PLEKHA7: variants seen among roughly 807,000 people sequenced by gnomAD.
PLEKHA7 encodes pleckstrin homology domain-containing family A member 7.
A neutral mutation model predicts 170.0 loss-of-function variants in PLEKHA7; 104 were observed. The observed-to-expected ratio is 0.61, with a 90% CI of 0.52 to 0.72. The LOEUF (loss-of-function observed/expected upper bound fraction) is 0.72, where lower values mean the gene tolerates loss of function less well. Among genes scored for constraint, PLEKHA7 ranks in the 30% least tolerant of loss-of-function variants. The pLI is 0.00. For synonymous variants in PLEKHA7, 648 were observed against 660.8 expected (o/e 0.98, Z 0.30); for missense variants, 1,615 against 1,671.7 (o/e 0.97, Z 0.59).
intron 3 of PLEKHA7, among the ~76,000 whole-genome samples, chr11:16,873,286 C>T (rs966731902): frequency 1.3e-5 from 2 of 152,152 alleles, no homozygotes; most frequent in African/African-American, 4.8e-5. Flanking sequence ...TTACTCTGCC[C>T]TAATGCCTGG....
intron 9 of PLEKHA7, among the ~76,000 whole-genome samples, chr11:16,829,012 C>CTTCT (rs1554939017): frequency 1.1e-4 from 17 of 149,964 alleles, no homozygotes; most frequent in African/African-American, 2.9e-4. Flanking sequence ...TAAATTCCTT[C>CTTCT]TTTTTTTTTT....
At chr11:16,841,837 A>G in intron 8 of PLEKHA7, 115 bp from the exon 9 acceptor site, 1 of 1,041,182 alleles carries the variant, frequency 9.6e-7, no homozygotes, top group Non-Finnish European at 1.4e-6. Flanking sequence ...AGCACCACCC[A>G]ACTTGTTTCC....
At chr11:16,804,874 C>T (rs1848842170) in intron 13 of PLEKHA7, among the ~76,000 whole-genome samples, 1 of 151,816 alleles carries the variant, frequency 6.6e-6, no homozygotes, top group Non-Finnish European at 1.5e-5. Context: ...ACAGACTGTG[C>T]TGTCTCCTGC....
In PLEKHA7 at chr11:16,813,173, A is replaced by G; in HGVS notation, c.1954-7T>C. The G allele has an allele frequency of 6.2e-7, 1 of 1,612,778 alleles. No homozygotes were observed. Among genetic ancestry groups the G allele is most frequent in the Non-Finnish European group, 8.5e-7 (1 of 1,178,852 alleles). On this transcript the variant is annotated splice_region_variant and splice_polypyrimidine_tract_variant and intron_variant, in intron 12 of 26. Coordinates refer to ENST00000531066, the MANE Select transcript of PLEKHA7 (RefSeq NM_001329630.2). The stretch of plus-strand genomic sequence containing the variant: ...GGAGGTAGGTATCATCAGCCTTCAA[A>G]TGAAGCAGAGAGGAAAAAACACAGT...
intron 3 of PLEKHA7, among the ~76,000 whole-genome samples, chr11:16,990,264 AC>A (rs1370781864): frequency 1.4e-5 from 2 of 139,128 alleles, no homozygotes; most frequent in African/African-American, 5.5e-5. Flanking sequence ...ACAGAGCAAG[AC>A]CCTGTCTCAA....
intron 3 of PLEKHA7, among the ~76,000 whole-genome samples, chr11:16,908,812 A>G (rs1051533008): frequency 6.6e-6 from 1 of 152,208 alleles, no homozygotes; most frequent in Non-Finnish European, 1.5e-5. Flanking sequence ...ATAAACTTCT[A>G]TCATTAATGC....
chr11:16,939,965 T>C (rs1240624805), intron 3 of PLEKHA7, among the ~76,000 whole-genome samples: 3 of 152,126 alleles, frequency 2.0e-5, no homozygotes, highest in Non-Finnish European at 4.4e-5. Flanking sequence ...GACATCACCA[T>C]AGGAAGTGAG....
intron 13 of PLEKHA7, among the ~76,000 whole-genome samples, chr11:16,808,378 G>A (rs1564938091): frequency 6.6e-6 from 1 of 152,150 alleles, no homozygotes; most frequent in Non-Finnish European, 1.5e-5. Context: ...AATCACCCCA[G>A]AGCTTGACAA....
At chr11:16,953,190 G>A (rs1861509277) in intron 3 of PLEKHA7, among the ~76,000 whole-genome samples, 1 of 152,228 alleles carries the variant, frequency 6.6e-6, no homozygotes, top group Admixed American at 6.5e-5. Flanking sequence ...ACAGGAAACA[G>A]CAAAGGTAAA....
Position 16,777,786 on chromosome 11 carries a change from C to T in PLEKHA7, c.*1212G>A, listed in dbSNP as rs1363500340. The T allele has an allele frequency of 1.3e-5, 2 of 152,232 alleles. No individual in the cohort carries two copies. The highest frequency in any genetic ancestry group is 2.9e-5 in the Non-Finnish European group (2 of 68,048). 9.4% of individuals were successfully genotyped at this position (152,232 alleles called of 1,614,324 possible). Reference sequence around the variant, plus strand: ...GATGGTGGGGGCACACTGCTGCCCTCCTGCCACCAGACCTGAGTCCCAGGG... The same window carrying T: ...GATGGTGGGGGCACACTGCTGCCCTTCTGCCACCAGACCTGAGTCCCAGGG... On this transcript the variant is annotated 3_prime_UTR_variant, in exon 27 of 27. Coordinates refer to ENST00000531066, the MANE Select transcript of PLEKHA7 (RefSeq NM_001329630.2).
At position 16,954,033 on chromosome 11, in the gene PLEKHA7, T is replaced by C. The variant is rs574764513; in HGVS notation, c.221+59956A>G. On this transcript the variant is annotated intron_variant, in intron 3 of 26. Coordinates refer to ENST00000531066, the MANE Select transcript of PLEKHA7 (RefSeq NM_001329630.2). The stretch of plus-strand genomic sequence containing the variant: ...GAAGCTACAATTAGTTGGGGAGTCA[T>C]ATGGAAATTTCAGGGCTTCACTGGT... Among the ~76,000 whole-genome samples, 29 of 152,230 alleles carry C rather than the reference T, an allele frequency of 1.9e-4. 1 individual carries two copies. In the South Asian group the frequency reaches 5.8e-3, roughly 30 times the overall value.
Position 16,786,682 on chromosome 11 carries a change from A to G in PLEKHA7, c.3358-295T>C, listed in dbSNP as rs548283109. The G allele has an allele frequency of 1.1e-3, 1,108 of 985,280 alleles. 1 individual carries two copies. Among genetic ancestry groups the G allele is most frequent in the Non-Finnish European group, 1.3e-3 (1,039 of 829,928 alleles). 61.0% of individuals were successfully genotyped at this position (985,280 alleles called of 1,614,324 possible). On this transcript the variant is annotated intron_variant, in intron 23 of 26. Coordinates refer to ENST00000531066, the MANE Select transcript of PLEKHA7 (RefSeq NM_001329630.2). ...CCAGGGAAATAGAAGGCTCCCAGAG[A>G]GGGTGACCTCCAAACAACTTGGGAC...
At chr11:16,994,910 C>A (rs1864251592) in intron 3 of PLEKHA7, among the ~76,000 whole-genome samples, 3 of 152,170 alleles carry the variant, frequency 2.0e-5, no homozygotes. Context: ...GGCTCCTGGG[C>A]TCCTTGAGGA....
chr11:16,908,026 G>A (rs1407658755), intron 3 of PLEKHA7, among the ~76,000 whole-genome samples: 3 of 151,434 alleles, frequency 2.0e-5, no homozygotes, highest in African/African-American at 7.3e-5. Flanking sequence ...GATTAAGGGT[G>A]GTGCAAGATG....
intron 3 of PLEKHA7, among the ~76,000 whole-genome samples, chr11:16,959,811 A>C (rs574164898): frequency 4.1e-4 from 62 of 152,198 alleles, no homozygotes; most frequent in Middle Eastern, 3.4e-3. Flanking sequence ...TCTCCCATAA[A>C]ACCTGCTTCT....
chr11:16,977,815 G>A (rs1459757735), intron 3 of PLEKHA7, among the ~76,000 whole-genome samples: 2 of 152,074 alleles, frequency 1.3e-5, no homozygotes, highest in Non-Finnish European at 2.9e-5. Context: ...TCCTAGCTGG[G>A]CAACTTAAGT....
chr11:16,989,398 A>G (rs1439239075), intron 3 of PLEKHA7, among the ~76,000 whole-genome samples: 1 of 152,232 alleles, frequency 6.6e-6, no homozygotes, highest in Non-Finnish European at 1.5e-5. Flanking sequence ...GAAAATTTTT[A>G]CCTCACTAGA....
chr11:16,789,308 G>A lies in PLEKHA7; in HGVS notation c.3157-12C>T, dbSNP rs1438207961. Reference sequence around the variant, plus strand: ...GCACTCTTAGGTCTCTGAGGAAGAGGAGGCAGGCAAGAGAGACACAGAACA... The same window carrying A: ...GCACTCTTAGGTCTCTGAGGAAGAGAAGGCAGGCAAGAGAGACACAGAACA... On this transcript the variant is annotated splice_polypyrimidine_tract_variant and intron_variant, in intron 22 of 26. Transcript: ENST00000531066. The surrounding 1 kb of genome is among the most constrained non-coding windows in gnomAD (Gnocchi z 4.6). The A allele has an allele frequency of 1.9e-6, 3 of 1,612,004 alleles. No individual in the cohort carries two copies. The highest frequency in any genetic ancestry group is 2.7e-5 in the African/African-American group (2 of 74,912).
intron 3 of PLEKHA7, among the ~76,000 whole-genome samples, chr11:16,911,339 A>G (rs979304968): frequency 6.6e-6 from 1 of 152,160 alleles, no homozygotes; most frequent in African/African-American, 2.4e-5. Context: ...ATGAGACAGA[A>G]GCTAAGGGGC....
Sources: gnomAD v4.1 joint callset for allele counts (sites outside exome capture counted in the v4.1 genomes callset) on GRCh38, gnomAD v4.1.1 for gene constraint, Gnocchi (gnomAD v3.1) non-coding constraint, MANE v1.5 for transcripts, NCBI Gene and HGNC (gene_info 2026-07-23, HGNC 2026-07-21) for gene names.